The following CYP7B1 variants were observed in gnomAD, a reference collection of about 807,000 sequenced individuals.
The protein encoded by CYP7B1 is cytochrome P450 7B1.
In CYP7B1, 29 loss-of-function variants were observed where a neutral mutation model predicts 42.7. That is an observed-to-expected ratio of 0.68 (90% CI 0.51 to 0.93). The LOEUF (loss-of-function observed/expected upper bound fraction) is 0.93, where lower values mean the gene tolerates loss of function less well. Ranked by LOEUF, CYP7B1 falls within the 40% of genes least tolerant of loss-of-function variation. The pLI is 0.00. For synonymous variants in CYP7B1, 235 were observed against 218.2 expected (o/e 1.08, Z -0.68); for missense variants, 655 against 600.5 (o/e 1.09, Z -0.95).
At chr8:64,657,411 T>C (rs1251607471) in intron 1 of CYP7B1, among the ~76,000 whole-genome samples, 1 of 151,976 alleles carries the variant, frequency 6.6e-6, no homozygotes, top group African/African-American at 2.4e-5. Flanking sequence ...CCCCAGGAGG[T>C]GTTCGGGCTT....
chr8:64,787,518 T>C lies in CYP7B1; in HGVS notation c.122+10948A>G, dbSNP rs535501905. The stretch of plus-strand genomic sequence containing the variant: ...ATTGTTCATATCACTATCAGCATTT[T>C]GGTCAAAGACATTCAGCAAGTCTCT... On this transcript the variant is annotated intron_variant, in intron 1 of 5. Transcript: ENST00000310193. Among the ~76,000 whole-genome samples, 15 of 152,350 alleles carry C rather than the reference T, an allele frequency of 9.8e-5. No individual in the cohort carries two copies. In the South Asian group the frequency reaches 2.7e-3, roughly 27 times the overall value.
chr8:64,774,529 T>TA (rs148604822), intron 1 of CYP7B1, among the ~76,000 whole-genome samples: 17 of 151,356 alleles, frequency 1.1e-4, no homozygotes, highest in South Asian at 6.3e-4. Flanking sequence ...GGGGATCAAG[T>TA]AAAAAAAAAC....
chr8:64,785,486 A>G (rs905268260), intron 1 of CYP7B1, among the ~76,000 whole-genome samples: 2 of 152,218 alleles, frequency 1.3e-5, no homozygotes, highest in Non-Finnish European at 2.9e-5. Flanking sequence ...CAGTGAACAA[A>G]CTGTGGTACA....
At chr8:64,657,490 T>C (rs1806137995) in intron 1 of CYP7B1, among the ~76,000 whole-genome samples, 1 of 152,212 alleles carries the variant, frequency 6.6e-6, no homozygotes, top group African/African-American at 2.4e-5. Flanking sequence ...AAAAATTCCA[T>C]GTAACATGGC....
At chr8:64,721,876 A>G (rs1407592157) in intron 1 of CYP7B1, among the ~76,000 whole-genome samples, 4 of 152,214 alleles carry the variant, frequency 2.6e-5, no homozygotes, top group South Asian at 4.1e-4. Context: ...AATTATTCAA[A>G]TAAGTCAAAA....
chr8:64,657,059 A>T (rs996324253), intron 1 of CYP7B1, among the ~76,000 whole-genome samples: 4 of 147,758 alleles, frequency 2.7e-5, no homozygotes, highest in African/African-American at 7.4e-5. Flanking sequence ...GGCTTTTATT[A>T]AAAAAAAAAG....
At chr8:64,685,207 C>G (rs565239022) in intron 1 of CYP7B1, among the ~76,000 whole-genome samples, 1 of 151,072 alleles carries the variant, frequency 6.6e-6, no homozygotes, top group African/African-American at 2.4e-5. Flanking sequence ...GGACGGGCCC[C>G]GCGGGGCCCG....
chr8:64,744,816 C>G (rs944716283), intron 1 of CYP7B1, among the ~76,000 whole-genome samples: 2 of 152,090 alleles, frequency 1.3e-5, no homozygotes, highest in African/African-American at 4.8e-5. Flanking sequence ...CCTCAGAGGA[C>G]TTTCAAAAGT....
chr8:64,705,239 A>G (rs1000856710), intron 1 of CYP7B1, among the ~76,000 whole-genome samples: 1 of 149,862 alleles, frequency 6.7e-6, no homozygotes, highest in Non-Finnish European at 1.5e-5. Context: ...TGGGGGGGGG[A>G]ATCACCACCT....
chr8:64,685,240 C>A, intron 1 of CYP7B1, among the ~76,000 whole-genome samples: 1 of 150,214 alleles, frequency 6.7e-6, no homozygotes, highest in East Asian at 2.0e-4. Context: ...AGCCGCCTGC[C>A]TTGGCCTCCC....
At chr8:64,755,263 G>T (rs1807790484) in intron 1 of CYP7B1, among the ~76,000 whole-genome samples, 1 of 152,134 alleles carries the variant, frequency 6.6e-6, no homozygotes, top group Non-Finnish European at 1.5e-5. Flanking sequence ...CCATGTAAGT[G>T]CTTCATATGA....
At chr8:64,740,461 G>C (rs1372539941) in intron 1 of CYP7B1, among the ~76,000 whole-genome samples, 1 of 151,390 alleles carries the variant, frequency 6.6e-6, no homozygotes, top group Non-Finnish European at 1.5e-5. Flanking sequence ...AGCAACTTAA[G>C]CATAAAGCAA....
chr8:64,674,911 T>G (rs576203110), intron 1 of CYP7B1, among the ~76,000 whole-genome samples: 1 of 152,242 alleles, frequency 6.6e-6, no homozygotes, highest in East Asian at 1.9e-4. Context: ...TCAAAGTTAT[T>G]GCACAATGAT....
At position 64,798,618 on chromosome 8, in the gene CYP7B1, CG is replaced by C; in HGVS notation, c.-32del. 1 of 1,449,304 alleles carries C rather than the reference CG, an allele frequency of 6.9e-7. No individual in the cohort carries two copies. Among genetic ancestry groups the C allele is most frequent in the Non-Finnish European group, 9.0e-7 (1 of 1,110,772 alleles). 89.8% of individuals were successfully genotyped at this position (1,449,304 alleles called of 1,614,324 possible). On this transcript the variant is annotated 5_prime_UTR_variant, in exon 1 of 6. Coordinates refer to ENST00000310193, the MANE Select transcript of CYP7B1 (RefSeq NM_004820.5). Reference sequence around the variant, plus strand: ...GCGCGCTAGGCCGCGGTGGGCAGCCCGGGGTCTGCCTGCGAACAGCGCGGTC... The same window carrying C: ...GCGCGCTAGGCCGCGGTGGGCAGCCCGGGTCTGCCTGCGAACAGCGCGGTC...
chr8:64,614,365 GGTGA>G (rs1188274072), intron 4 of CYP7B1, among the ~76,000 whole-genome samples: 2 of 151,988 alleles, frequency 1.3e-5, no homozygotes, highest in South Asian at 2.1e-4. Context: ...CTCATGAGTC[GGTGA>G]GTATTTTATA....
rs747407613 is a variant in CYP7B1 at position 64,616,065 on chromosome 8, T to G, written c.476A>C (p.Gln159Pro). 1.2e-6 allele frequency: 2 copies of G among 1,613,796 alleles called. No individual in the cohort carries two copies. Among genetic ancestry groups the G allele is most frequent in the East Asian group, 2.2e-5 (1 of 44,864 alleles). The change falls in exon 3 of 6, where the codon CAG becomes CCG. Residue 159 changes from glutamine (Q) to proline (P), a missense_variant. Physicochemically the swap from Gln to Pro is moderately conservative, Grantham distance 76. Coordinates refer to ENST00000310193, the MANE Select transcript of CYP7B1 (RefSeq NM_004820.5). Reference protein sequence around the residue: ...SLDILLESMMQNLKQVFEPQL... With the variant: ...SLDILLESMMPNLKQVFEPQL... ...GGGTTCAAAAACTTGTTTTAGATTCTGCATCATGCTTTCCAAGAGTATGTC... is the reference window on the plus strand; with the variant it reads ...GGGTTCAAAAACTTGTTTTAGATTCGGCATCATGCTTTCCAAGAGTATGTC...
intron 1 of CYP7B1, among the ~76,000 whole-genome samples, chr8:64,721,650 T>C (rs1265190395): frequency 6.6e-6 from 1 of 152,144 alleles, no homozygotes; most frequent in East Asian, 1.9e-4. Flanking sequence ...GTCTTAAAAA[T>C]GTGTATGACT....
At chr8:64,669,422 C>T (rs1806331902) in intron 1 of CYP7B1, among the ~76,000 whole-genome samples, 1 of 152,024 alleles carries the variant, frequency 6.6e-6, no homozygotes, top group Non-Finnish European at 1.5e-5. Context: ...TACCAAACTA[C>T]CAATAGAGCT....
At chr8:64,675,691 T>C (rs925047864) in intron 1 of CYP7B1, among the ~76,000 whole-genome samples, 1 of 152,100 alleles carries the variant, frequency 6.6e-6, no homozygotes, top group African/African-American at 2.4e-5. Context: ...GGTACAACAC[T>C]GAAACAAACG....
Sources: gnomAD v4.1 joint callset for allele counts (sites outside exome capture counted in the v4.1 genomes callset) on GRCh38, gnomAD v4.1.1 for gene constraint, MANE v1.5 for transcripts, NCBI Gene and HGNC (gene_info 2026-07-23, HGNC 2026-07-21) for gene names.